The following P2RY14 variants were observed in gnomAD, a reference collection of about 807,000 sequenced individuals.
P2RY14 encodes the protein P2Y purinoceptor 14.
Under a neutral mutation model 0.9 loss-of-function variants are expected in P2RY14, and 2 were observed. That is an observed-to-expected ratio of 2.16 (90% CI 0.88 to 6.79). The LOEUF (loss-of-function observed/expected upper bound fraction) is 6.79, where lower values mean the gene tolerates loss of function less well. Ranked by LOEUF, P2RY14 falls within the 30% of genes most tolerant of loss-of-function variation. The probability of loss-of-function intolerance (pLI) is 0.05; values close to 1 mark genes in which losing one functional copy is unlikely to be tolerated. For missense variants in P2RY14, 378 were observed against 400.1 expected, an observed-to-expected ratio of 0.94 and a Z score of 0.47; for synonymous variants, 158 against 147.2, an observed-to-expected ratio of 1.07 and a Z score of -0.53.
rs1014976870 is a variant in P2RY14, at chr3:151,265,581, T to G, written c.-133+12706A>C. ...GATTTTCAGTTATATTCAGGGTTTC[T>G]CTCTAAGAAAATAGGCAGTATACAG... is the stretch of plus-strand genomic sequence containing the variant. On this transcript the variant is annotated intron_variant, in intron 1 of 2. Coordinates refer to ENST00000309170, the MANE Select transcript of P2RY14 (RefSeq NM_014879.4). Among the ~76,000 whole-genome samples the G allele has an allele frequency of 2.0e-5, 3 of 152,174 alleles. No individual in the cohort carries two copies. In the South Asian group the frequency reaches 6.2e-4, roughly 32 times the overall value.
intron 1 of P2RY14, among the ~76,000 whole-genome samples, chr3:151,247,945 T>A (rs935992931): frequency 4.3e-5 from 6 of 139,668 alleles, no homozygotes; most frequent in Non-Finnish European, 9.1e-5. Context: ...TTGTTTACTT[T>A]CTTTCTTCTT....
chr3:151,271,009 C>A (rs1344699621), intron 1 of P2RY14, among the ~76,000 whole-genome samples: 1 of 132,214 alleles, frequency 7.6e-6, no homozygotes. Context: ...GTACACATAC[C>A]CAAAAACCAA....
intron 1 of P2RY14, among the ~76,000 whole-genome samples, chr3:151,246,973 A>G (rs1345083505): frequency 6.6e-6 from 1 of 152,232 alleles, no homozygotes; most frequent in African/African-American, 2.4e-5. Flanking sequence ...ACGAACAGAC[A>G]CTTCTCAAAA....
At chr3:151,247,959 CTTCTTTTTTTT>C (rs1736026422) in intron 1 of P2RY14, among the ~76,000 whole-genome samples, 1 of 65,454 alleles carries the variant, frequency 1.5e-5, no homozygotes, top group Non-Finnish European at 2.8e-5. Flanking sequence ...TCTTCTTCTT[CTTCTTTTTTTT>C]TTTTTTTTTT....
intron 1 of P2RY14, among the ~76,000 whole-genome samples, chr3:151,233,189 CG>C (rs1157534260): frequency 6.6e-6 from 1 of 152,152 alleles, no homozygotes; most frequent in African/African-American, 2.4e-5. Flanking sequence ...TTGACGAGCC[CG>C]GCTGCCTCAC....
At chr3:151,276,755 C>A (rs1471556046) in intron 1 of P2RY14, among the ~76,000 whole-genome samples, 1 of 152,128 alleles carries the variant, frequency 6.6e-6, no homozygotes, top group Non-Finnish European at 1.5e-5. Flanking sequence ...ATAGTCACAC[C>A]CTCTGTACCT....
chr3:151,217,252 C>A (rs1356408671), intron 2 of P2RY14, among the ~76,000 whole-genome samples: 1 of 152,054 alleles, frequency 6.6e-6, no homozygotes, highest in Non-Finnish European at 1.5e-5. Flanking sequence ...GACATAATTC[C>A]TTTTCTTATA....
Position 151,214,242 on chromosome 3 carries a change from A to C in P2RY14, c.75T>G (p.Ile25Met). Residue 25 changes from isoleucine to methionine, a missense_variant, in exon 3 of 3, where the codon ATT becomes ATG. Ile to Met is a conservative substitution (Grantham distance 10, BLOSUM62 1). Coordinates refer to ENST00000309170, the MANE Select transcript of P2RY14 (RefSeq NM_014879.4). The stretch of plus-strand genomic sequence containing the variant: ...TGAAGACCATACAGTACAGCACAGG[A>C]ATGATCTGCTGAGTGATCAGGAGGT... ...SQNLLITQQI[I>M]PVLYCMVFIA... The C allele has an allele frequency of 1.9e-6, 3 of 1,614,020 alleles. No homozygotes were observed. Among genetic ancestry groups the C allele is most frequent in the Non-Finnish European group, 2.5e-6 (3 of 1,179,900 alleles).
intron 2 of P2RY14, among the ~76,000 whole-genome samples, chr3:151,218,244 A>G (rs899179336): frequency 6.6e-6 from 1 of 152,204 alleles, no homozygotes; most frequent in African/African-American, 2.4e-5. Context: ...TTCCCTGCCC[A>G]CTTCTCAGTT....
chr3:151,221,445 A>G (rs1729334619), intron 1 of P2RY14, among the ~76,000 whole-genome samples: 1 of 152,216 alleles, frequency 6.6e-6, no homozygotes, highest in African/African-American at 2.4e-5. Flanking sequence ...AGCCCATCAC[A>G]TCGCAGGCCT....
At chr3:151,237,550 C>T (rs1392052734) in intron 1 of P2RY14, among the ~76,000 whole-genome samples, 1 of 149,268 alleles carries the variant, frequency 6.7e-6, no homozygotes, top group African/African-American at 2.5e-5. Context: ...GGGGTTTCAC[C>T]ATGTTGGCCA....
intron 1 of P2RY14, among the ~76,000 whole-genome samples, chr3:151,246,325 C>T (rs1026331489): frequency 6.6e-5 from 10 of 151,970 alleles, no homozygotes; most frequent in Non-Finnish European, 1.3e-4. Flanking sequence ...CAATCCTAAG[C>T]CAAAAGAACA....
chr3:151,222,846 A>T (rs1353988032), intron 1 of P2RY14, among the ~76,000 whole-genome samples: 1 of 152,130 alleles, frequency 6.6e-6, no homozygotes, highest in Non-Finnish European at 1.5e-5. Flanking sequence ...TGTAGTCGGG[A>T]CTTTAGACAA....
At chr3:151,215,572 C>T (rs969022343) in intron 2 of P2RY14, among the ~76,000 whole-genome samples, 1 of 152,120 alleles carries the variant, frequency 6.6e-6, no homozygotes, top group African/African-American at 2.4e-5. Context: ...TCCAGAACTT[C>T]TATTGTTTAG....
intron 1 of P2RY14, among the ~76,000 whole-genome samples, chr3:151,259,868 G>A (rs906243512): frequency 2.4e-4 from 36 of 152,136 alleles, no homozygotes; most frequent in Admixed American, 9.8e-4. Context: ...CCTTCATGAC[G>A]TCTCTGACTG....
chr3:151,220,515 G>A (rs754855671), intron 1 of P2RY14, among the ~76,000 whole-genome samples: 6 of 152,112 alleles, frequency 3.9e-5, no homozygotes, highest in East Asian at 1.9e-4. Context: ...TGTAGCTCCC[G>A]TAATACCCAC....
chr3:151,248,327 C>T (rs1427938602), intron 1 of P2RY14, among the ~76,000 whole-genome samples: 1 of 152,082 alleles, frequency 6.6e-6, no homozygotes, highest in Non-Finnish European at 1.5e-5. Flanking sequence ...GTGACCCATG[C>T]ATTTAATATT....
At chr3:151,251,011 A>T (rs913381065) in intron 1 of P2RY14, among the ~76,000 whole-genome samples, 1 of 152,144 alleles carries the variant, frequency 6.6e-6, no homozygotes, top group Non-Finnish European at 1.5e-5. Context: ...GCAGCTTTTG[A>T]TGATGATTCT....
At chr3:151,221,407 C>G (rs931752821) in intron 1 of P2RY14, among the ~76,000 whole-genome samples, 1 of 152,152 alleles carries the variant, frequency 6.6e-6, no homozygotes, top group Non-Finnish European at 1.5e-5. Flanking sequence ...GAAAATGTAT[C>G]CAGGGCATGT....
Sources: gnomAD v4.1 joint callset for allele counts (sites outside exome capture counted in the v4.1 genomes callset) on GRCh38, gnomAD v4.1.1 for gene constraint, MANE v1.5 for transcripts, NCBI Gene and HGNC (gene_info 2026-07-23, HGNC 2026-07-21) for gene names.